Variants in DOK6 observed in about 807,000 individuals in gnomAD.
The protein encoded by DOK6 is downstream of tyrosine kinase 6.
In DOK6, 22 loss-of-function variants were observed where a neutral mutation model predicts 44.0. That is an observed-to-expected ratio of 0.50 (90% CI 0.36 to 0.71). The LOEUF is 0.71. Ranked by LOEUF, DOK6 falls within the 30% of genes least tolerant of loss-of-function variation. The pLI, the probability that DOK6 is intolerant of heterozygous loss-of-function variation, is 0.00. For synonymous variants in DOK6, 166 were observed against 145.5 expected, an observed-to-expected ratio of 1.14 and a Z score of -1.01; for missense variants, 340 against 416.4, an observed-to-expected ratio of 0.82 and a Z score of 1.60.
At chr18:69,401,345 G>T in intron 1 of DOK6, 35 bp downstream of exon 1, 2 of 1,462,226 alleles carry the variant, frequency 1.4e-6, no homozygotes, top group South Asian at 2.8e-5. Flanking sequence ...CTTCCCCGGC[G>T]CTCGTTCGGC....
At chr18:69,416,899 G>GGTTGTTGGAAT (rs201528548) in intron 1 of DOK6, among the ~76,000 whole-genome samples, 8,126 of 152,018 alleles carry the variant, frequency 0.053, 242 homozygotes, top group Middle Eastern at 0.12. Flanking sequence ...AACCATTTTA[G>GGTTGTTGGAAT]GTTATGGCAA....
At chr18:69,465,253 AGAT>A (rs1156424259) in intron 1 of DOK6, among the ~76,000 whole-genome samples, 1 of 152,102 alleles carries the variant, frequency 6.6e-6, no homozygotes, top group East Asian at 1.9e-4. Context: ...TTACATAAGA[AGAT>A]ATTGAATTCT....
chr18:69,446,471 G>A (rs1424168080), intron 1 of DOK6, among the ~76,000 whole-genome samples: 1 of 151,932 alleles, frequency 6.6e-6, no homozygotes, highest in African/African-American at 2.4e-5. Context: ...GGACATTTGG[G>A]TTGGTTCCAA....
chr18:69,612,461 G>GTGTGCGAGGGCA lies in DOK6; in HGVS notation c.289+12963_289+12964insTGTGCGAGGGCA, dbSNP rs1984179055. On this transcript the variant is annotated intron_variant, in intron 3 of 7. Transcript: ENST00000382713. Reference sequence around the variant, plus strand: ...TGCGAGGGCGCATGTGTGCGAGCGTGCATATGTATTTCTTGCTCTTTTCTA... The same window carrying GTGTGCGAGGGCA: ...TGCGAGGGCGCATGTGTGCGAGCGTGTGTGCGAGGGCACATATGTATTTCTTGCTCTTTTCTA... Among the ~76,000 whole-genome samples the GTGTGCGAGGGCA allele has an allele frequency of 2.0e-5, 3 of 148,524 alleles. No individual in the cohort carries two copies. In the South Asian group the frequency reaches 6.4e-4, roughly 32 times the overall value.
At chr18:69,667,967 T>A (rs1985702135) in intron 3 of DOK6, among the ~76,000 whole-genome samples, 1 of 152,202 alleles carries the variant, frequency 6.6e-6, no homozygotes, top group Admixed American at 6.5e-5. Context: ...CTAATAAGAA[T>A]CTGAGAATTA....
At chr18:69,598,782 CAATA>C (rs1402912736) in intron 2 of DOK6, among the ~76,000 whole-genome samples, 2 of 151,884 alleles carry the variant, frequency 1.3e-5, no homozygotes, top group South Asian at 2.1e-4. Context: ...ATTAATTGCC[CAATA>C]AATAAATTGT....
chr18:69,438,477 T>C (rs910168595), intron 1 of DOK6, among the ~76,000 whole-genome samples: 2 of 152,224 alleles, frequency 1.3e-5, no homozygotes, highest in Non-Finnish European at 2.9e-5. Flanking sequence ...TGTAGTTCCT[T>C]CCTCTGCTGA....
rs1175283715 is a variant in DOK6, at chr18:69,677,982, C to T, written c.409+129C>T. The stretch of plus-strand genomic sequence containing the variant: ...AAATCAAAAAGGCCGAGTGCAGTGG[C>T]GCAAACCTGTAATCCCTGCATTTTG... On this transcript the variant is annotated intron_variant, in intron 4 of 7. Coordinates refer to ENST00000382713, the MANE Select transcript of DOK6 (RefSeq NM_152721.6). 2.4e-5 allele frequency: 33 copies of T among 1,365,554 alleles called. No individual in the cohort carries two copies. The East Asian group carries it at 2.5e-4, about 11-fold the overall frequency. 84.6% of individuals were successfully genotyped at this position (1,365,554 alleles called of 1,614,324 possible).
intron 3 of DOK6, among the ~76,000 whole-genome samples, chr18:69,629,153 T>C (rs1984628989): frequency 6.6e-6 from 1 of 152,234 alleles, no homozygotes; most frequent in Non-Finnish European, 1.5e-5. Flanking sequence ...ACCTGGCAGC[T>C]GTTCTGAGAG....
intron 3 of DOK6, among the ~76,000 whole-genome samples, chr18:69,612,871 TTTTC>T (rs1438526021): frequency 4.6e-5 from 7 of 152,110 alleles, no homozygotes; most frequent in East Asian, 1.9e-4. Flanking sequence ...TCTTTTTTGC[TTTTC>T]TTTCTTTCTT....
At chr18:69,474,693 CT>C (rs1337442262) in intron 1 of DOK6, among the ~76,000 whole-genome samples, 2 of 152,174 alleles carry the variant, frequency 1.3e-5, no homozygotes, top group African/African-American at 4.8e-5. Context: ...GCAAGAAAAT[CT>C]TTGGCTATAG....
chr18:69,405,587 C>G (rs923749168), intron 1 of DOK6, among the ~76,000 whole-genome samples: 1 of 139,598 alleles, frequency 7.2e-6, no homozygotes, highest in African/African-American at 2.8e-5. Context: ...CTCAAAATAA[C>G]TAACTAAATA....
At chr18:69,650,720 G>A (rs148712692) in intron 3 of DOK6, among the ~76,000 whole-genome samples, 5 of 152,020 alleles carry the variant, frequency 3.3e-5, no homozygotes, top group Non-Finnish European at 7.4e-5. Context: ...ACAGTACTGC[G>A]TCATACACTC....
At chr18:69,483,491 T>C (rs1980488070) in intron 1 of DOK6, 1 of 152,098 alleles carries the variant, frequency 6.6e-6, no homozygotes, top group Non-Finnish European at 1.5e-5. Flanking sequence ...TCTTGAAAGC[T>C]GTTTCAGCCT....
At chr18:69,444,798 C>A (rs537833430) in intron 1 of DOK6, among the ~76,000 whole-genome samples, 1 of 151,828 alleles carries the variant, frequency 6.6e-6, no homozygotes, top group Admixed American at 6.6e-5. Context: ...AAATATGAGT[C>A]CTCCAAGTTT....
chr18:69,706,277 A>G (rs557650899), intron 5 of DOK6, among the ~76,000 whole-genome samples: 1 of 152,300 alleles, frequency 6.6e-6, no homozygotes, highest in African/African-American at 2.4e-5. Flanking sequence ...TTTACATGTC[A>G]AAGGCACGGT....
intron 1 of DOK6, among the ~76,000 whole-genome samples, chr18:69,553,097 A>G (rs1486000468): frequency 6.6e-6 from 1 of 152,242 alleles, no homozygotes; most frequent in African/African-American, 2.4e-5. Flanking sequence ...TGATTTTAAA[A>G]TATCAATTTC....
chr18:69,717,178 G>A (rs570197015), intron 5 of DOK6, among the ~76,000 whole-genome samples: 37 of 152,136 alleles, frequency 2.4e-4, no homozygotes, highest in South Asian at 1.9e-3. Context: ...AGATTGACTC[G>A]TTTTATTCCA....
chr18:69,536,784 G>A (rs185391760), intron 1 of DOK6, among the ~76,000 whole-genome samples: 5,585 of 149,758 alleles, frequency 0.037, 132 homozygotes, highest in South Asian at 0.055. Flanking sequence ...TTTTAACAGC[G>A]ATTTAGTTCA....
Sources: gnomAD v4.1 joint callset for allele counts (sites outside exome capture counted in the v4.1 genomes callset) on GRCh38, gnomAD v4.1.1 for gene constraint, MANE v1.5 for transcripts, NCBI Gene and HGNC (gene_info 2026-07-23, HGNC 2026-07-21) for gene names.